Variants in WHR1 observed in about 807,000 individuals in gnomAD.
WHR1 encodes the protein winged helix repair factor 1.
the WHR1 span, chr6:31,980,422 C>T: frequency 1.3e-6 from 2 of 1,592,226 alleles, no homozygotes; most frequent in Non-Finnish European, 8.6e-7. Flanking sequence ...GCCCAGCCCT[C>T]ATCTCTGCTG....
chr6:31,974,216 G>A, the WHR1 span, among the ~76,000 whole-genome samples: 1 of 149,758 alleles, frequency 6.7e-6, no homozygotes, highest in Non-Finnish European at 1.5e-5. Context: ...GGAGGCGGAG[G>A]TTGCAGTGAG....
the WHR1 span, chr6:31,980,418 C>G: frequency 6.3e-7 from 1 of 1,575,656 alleles, no homozygotes; most frequent in African/African-American, 1.4e-5. Context: ...CAGAGCCCAG[C>G]CCTCATCTCT....
the WHR1 span, chr6:31,972,143 C>A: frequency 6.2e-7 from 1 of 1,612,908 alleles, no homozygotes; most frequent in South Asian, 1.1e-5. The surrounding 1 kb of genome is among the most constrained non-coding windows in gnomAD (Gnocchi z 6.3). Flanking sequence ...GCCAACGAGT[C>A]CCCGGGCGTG....
the WHR1 span, chr6:31,971,539 G>A: frequency 1.2e-6 from 2 of 1,614,064 alleles, no homozygotes; most frequent in African/African-American, 1.3e-5. The surrounding 1 kb of genome is among the most constrained non-coding windows in gnomAD (Gnocchi z 4.5). Flanking sequence ...CAGTTCCGAA[G>A]GGCGCCGGTA....
the WHR1 span, chr6:31,972,383 C>G: frequency 1.5e-5 from 24 of 1,612,966 alleles, no homozygotes; most frequent in Non-Finnish European, 1.9e-5. The surrounding 1 kb of genome is among the most constrained non-coding windows in gnomAD (Gnocchi z 6.3). Context: ...CATTCCTACC[C>G]CTTCCCCGGT....
At chr6:31,979,381 G>C in the WHR1 span, 4 of 1,611,982 alleles carry the variant, frequency 2.5e-6, no homozygotes, top group Admixed American at 6.7e-5. Flanking sequence ...AGTGAGGGTG[G>C]GGATGGACCA....
At chr6:31,976,646 G>A in the WHR1 span, among the ~76,000 whole-genome samples, 7 of 152,254 alleles carry the variant, frequency 4.6e-5, no homozygotes, top group Admixed American at 4.6e-4. Flanking sequence ...CGGGGTGGCG[G>A]CCGGGCAGAG....
chr6:31,979,668 A>C, the WHR1 span: 1 of 1,407,878 alleles, frequency 7.1e-7, no homozygotes, highest in Non-Finnish European at 9.6e-7. Flanking sequence ...AGCTGCCAAA[A>C]AGCTGACTCT....
At chr6:31,979,657 A>C in the WHR1 span, 1 of 1,478,850 alleles carries the variant, frequency 6.8e-7, no homozygotes, top group Non-Finnish European at 9.1e-7. Flanking sequence ...CCTGCCAGAA[A>C]AGCTGCCAAA....
chr6:31,975,561 C>T, the WHR1 span, among the ~76,000 whole-genome samples: 1 of 151,402 alleles, frequency 6.6e-6, no homozygotes, highest in Non-Finnish European at 1.5e-5. Context: ...TCTCAAACTC[C>T]TGACTCAGAT....
chr6:31,975,290 C>A, the WHR1 span, among the ~76,000 whole-genome samples: 1 of 151,556 alleles, frequency 6.6e-6, no homozygotes, highest in Admixed American at 6.6e-5. Context: ...CAACCTCTGC[C>A]TCCTGGGTTC....
chr6:31,980,334 GTC>G, the WHR1 span: 4 of 927,586 alleles, frequency 4.3e-6, no homozygotes, highest in African/African-American at 1.7e-5. Flanking sequence ...TTGTTATCCA[GTC>G]TCTCTTGCAT....
At chr6:31,981,216 G>A in the WHR1 span, 1 of 178,544 alleles carries the variant, frequency 5.6e-6, no homozygotes, top group African/African-American at 1.8e-4. Flanking sequence ...CTGTTTGCCT[G>A]GTTTCTGACC....
At chr6:31,976,154 C>G in the WHR1 span, among the ~76,000 whole-genome samples, 1 of 145,462 alleles carries the variant, frequency 6.9e-6, no homozygotes, top group Admixed American at 6.8e-5. Flanking sequence ...CCACCTCCCT[C>G]CCGGACAGGG....
chr6:31,971,668 G>C, the WHR1 span: 1 of 1,604,220 alleles, frequency 6.2e-7, no homozygotes. This position sits in a 1 kb window ranked among gnomAD's most constrained non-coding sequence, Gnocchi z 4.5. Context: ...GGTCCCCCTG[G>C]GATCCATGAG....
chr6:31,976,531 C>T, the WHR1 span, among the ~76,000 whole-genome samples: 8 of 151,920 alleles, frequency 5.3e-5, no homozygotes, highest in Admixed American at 6.5e-5. Context: ...GGGATGGCGG[C>T]CGGGCAGAGA....
At chr6:31,971,710 A>T in the WHR1 span, 1 of 1,571,638 alleles carries the variant, frequency 6.4e-7, no homozygotes, top group Non-Finnish European at 8.6e-7. The surrounding 1 kb of genome is among the most constrained non-coding windows in gnomAD (Gnocchi z 4.5). Flanking sequence ...CAGAGTTTCC[A>T]TTCTACAGAG....
chr6:31,972,236 C>T, the WHR1 span: 3 of 1,613,084 alleles, frequency 1.9e-6, no homozygotes, highest in Non-Finnish European at 2.5e-6. This position sits in a 1 kb window ranked among gnomAD's most constrained non-coding sequence, Gnocchi z 6.3. Context: ...TCGCCACCGC[C>T]CCTCCCAGCA....
the WHR1 span, chr6:31,972,491 A>C: frequency 6.2e-7 from 1 of 1,612,220 alleles, no homozygotes; most frequent in Non-Finnish European, 8.5e-7. This position sits in a 1 kb window ranked among gnomAD's most constrained non-coding sequence, Gnocchi z 6.3. Flanking sequence ...GTGGAGTCGG[A>C]TCCTCTTCGG....
Sources: allele counts gnomAD v4.1 joint callset (sites outside exome capture counted in the v4.1 genomes callset), GRCh38; gene constraint gnomAD v4.1.1; non-coding constraint Gnocchi (gnomAD v3.1); transcripts MANE v1.5; gene names NCBI Gene and HGNC (gene_info 2026-07-23, HGNC 2026-07-21).